Variants in SDK1 observed in about 807,000 individuals in gnomAD.
SDK1 encodes protein sidekick-1.
Under a neutral mutation model 245.5 loss-of-function variants are expected in SDK1, and 157 were observed. The ratio of observed to expected loss-of-function variants is 0.64; its 90% CI spans 0.56 to 0.73. The LOEUF is 0.73. SDK1 is among the 30% of genes least tolerant of loss of function. The pLI is 0.00. For synonymous variants in SDK1, 1,647 were observed against 1,278.5 expected, an observed-to-expected ratio of 1.29 and a Z score of -6.15; for missense variants, 3,583 against 3,002.3, an observed-to-expected ratio of 1.19 and a Z score of -4.52.
At chr7:3,661,153 T>A (rs890985870) in intron 4 of SDK1, among the ~76,000 whole-genome samples, 12 of 152,264 alleles carry the variant, frequency 7.9e-5, no homozygotes, top group Admixed American at 4.6e-4. Flanking sequence ...TTCAGTATTC[T>A]AGCTAAAATC....
chr7:3,312,282 TA>T, intron 1 of SDK1, among the ~76,000 whole-genome samples: 1 of 152,078 alleles, frequency 6.6e-6, no homozygotes, highest in East Asian at 1.9e-4. Flanking sequence ...CAGAGCAAAT[TA>T]AAAATCTAAG....
At chr7:3,953,409 T>C (rs1780988864) in intron 7 of SDK1, among the ~76,000 whole-genome samples, 1 of 152,214 alleles carries the variant, frequency 6.6e-6, no homozygotes, top group African/African-American at 2.4e-5. Flanking sequence ...CTGTTGATTC[T>C]ACATGAGAGG....
intron 19 of SDK1, among the ~76,000 whole-genome samples, chr7:4,057,017 C>T (rs1489232097): frequency 1.3e-5 from 2 of 152,176 alleles, no homozygotes; most frequent in Non-Finnish European, 2.9e-5. Flanking sequence ...GGTGGGGCTG[C>T]TGGGCATTTT....
chr7:3,862,435 T>C (rs1780716748), intron 5 of SDK1, among the ~76,000 whole-genome samples: 1 of 152,222 alleles, frequency 6.6e-6, no homozygotes, highest in South Asian at 2.1e-4. Flanking sequence ...TTTTTGACAA[T>C]GTCTTCTTTT....
chr7:3,950,882 T>A, intron 5 of SDK1, 41 bp from the exon 6 acceptor site: 1 of 1,513,312 alleles, frequency 6.6e-7, no homozygotes, highest in Non-Finnish European at 9.1e-7. Context: ...GGTGCTCCTG[T>A]ACTTAGAGTT....
chr7:4,252,529 A>T (rs1477981315), intron 44 of SDK1, among the ~76,000 whole-genome samples: 1 of 152,132 alleles, frequency 6.6e-6, no homozygotes, highest in African/African-American at 2.4e-5. Context: ...CGTGTGTATA[A>T]TCCTTTCTAT....
intron 17 of SDK1, among the ~76,000 whole-genome samples, chr7:4,029,198 C>T (rs1472830376): frequency 1.5e-5 from 2 of 135,114 alleles, no homozygotes; most frequent in South Asian, 2.3e-4. Flanking sequence ...GCTTGATTTT[C>T]TTTCTTTTAT....
intron 38 of SDK1, among the ~76,000 whole-genome samples, chr7:4,218,568 A>T (rs1261691370): frequency 6.6e-6 from 1 of 152,202 alleles, no homozygotes; most frequent in Non-Finnish European, 1.5e-5. Context: ...CCCGTTTTGT[A>T]GTAGGAAGGC....
chr7:4,055,725 T>A (rs1779153584), intron 19 of SDK1, among the ~76,000 whole-genome samples: 1 of 152,108 alleles, frequency 6.6e-6, no homozygotes, highest in Admixed American at 6.6e-5. Context: ...CCATGTTGGT[T>A]ATTGGTTGAA....
intron 12 of SDK1, among the ~76,000 whole-genome samples, chr7:3,972,574 A>C (rs1050891369): frequency 6.6e-6 from 1 of 152,196 alleles, no homozygotes; most frequent in Non-Finnish European, 1.5e-5. Flanking sequence ...AAAAAAGGAA[A>C]TATCCAGTCA....
At position 4,039,460 on chromosome 7, in the gene SDK1, T is replaced by C. The variant is rs551326215; in HGVS notation, c.2603-9888T>C. Among the ~76,000 whole-genome samples, 404 of 152,314 alleles carry C rather than the reference T, an allele frequency of 2.7e-3. 4 individuals carry two copies. The highest frequency in any genetic ancestry group is 8.5e-3 in the African/African-American group (353 of 41,574). On this transcript the variant is annotated intron_variant, in intron 17 of 44. Transcript: ENST00000404826. ...GGCCTTAATGGCTTCAAAAATTAACTTTTCAAGATATTTTGATTGCATACA... is the reference window on the plus strand; with the variant it reads ...GGCCTTAATGGCTTCAAAAATTAACCTTTCAAGATATTTTGATTGCATACA...
At chr7:3,630,149 G>A (rs1782245778) in intron 2 of SDK1, among the ~76,000 whole-genome samples, 1 of 152,124 alleles carries the variant, frequency 6.6e-6, no homozygotes, top group African/African-American at 2.4e-5. Context: ...AGCTTCAGAT[G>A]GCCTAATAGA....
Position 3,995,893 on chromosome 7 carries a change from T to C in SDK1, c.2131+8571T>C, listed in dbSNP as rs1055883278. ...TACCATTAATGTTTGTATATTACTTTCTGACATACAGAAGTGTTTGACTTT... is the reference window on the plus strand; with the variant it reads ...TACCATTAATGTTTGTATATTACTTCCTGACATACAGAAGTGTTTGACTTT... On this transcript the variant is annotated intron_variant, in intron 14 of 44. Coordinates refer to ENST00000404826, the MANE Select transcript of SDK1 (RefSeq NM_152744.4). 2.0e-5 allele frequency among the ~76,000 whole-genome samples: 3 copies of C among 152,200 alleles called. No homozygotes were observed. The South Asian group carries it at 6.2e-4, about 32-fold the overall frequency.
intron 5 of SDK1, among the ~76,000 whole-genome samples, chr7:3,863,887 A>G (rs1780756568): frequency 6.6e-6 from 1 of 152,148 alleles, no homozygotes; most frequent in African/African-American, 2.4e-5. Context: ...ATCTGCTGCT[A>G]TGAACATGGG....
chr7:4,154,198 T>C (rs977262667), intron 30 of SDK1, among the ~76,000 whole-genome samples: 1 of 152,166 alleles, frequency 6.6e-6, no homozygotes, highest in Non-Finnish European at 1.5e-5. Flanking sequence ...TCCAGAACAC[T>C]TTGGCTGTGG....
intron 38 of SDK1, among the ~76,000 whole-genome samples, chr7:4,214,435 T>C (rs937527012): frequency 2.0e-5 from 3 of 152,238 alleles, no homozygotes; most frequent in Non-Finnish European, 4.4e-5. Context: ...GCCTTGTCTC[T>C]TTTGTCTGTT....
chr7:3,330,180 A>C (rs750369025), intron 1 of SDK1, among the ~76,000 whole-genome samples: 2 of 152,064 alleles, frequency 1.3e-5, no homozygotes, highest in Non-Finnish European at 2.9e-5. Flanking sequence ...ATGTGGACAT[A>C]TGTTTTCATT....
At chr7:3,583,015 C>T (rs1475762339) in intron 1 of SDK1, among the ~76,000 whole-genome samples, 1 of 152,176 alleles carries the variant, frequency 6.6e-6, no homozygotes, top group East Asian at 1.9e-4. Context: ...CAAGTCCTTC[C>T]TTCTGTGACC....
chr7:3,974,963 A>G (rs1048920972), intron 13 of SDK1, among the ~76,000 whole-genome samples: 1 of 152,168 alleles, frequency 6.6e-6, no homozygotes, highest in African/African-American at 2.4e-5. Flanking sequence ...AAAGCCACCT[A>G]GACTTGGGGT....
Sources: allele counts gnomAD v4.1 joint callset (sites outside exome capture counted in the v4.1 genomes callset), GRCh38; gene constraint gnomAD v4.1.1; transcripts MANE v1.5; gene names NCBI Gene and HGNC (gene_info 2026-07-23, HGNC 2026-07-21).